LRMDA: variants seen among roughly 807,000 people sequenced by gnomAD.
LRMDA encodes leucine-rich melanocyte differentiation-associated protein.
Under a neutral mutation model 29.8 loss-of-function variants are expected in LRMDA, and 18 were observed. That is an observed-to-expected ratio of 0.60 (90% CI 0.42 to 0.90). The LOEUF (loss-of-function observed/expected upper bound fraction) is 0.90, where lower values mean the gene tolerates loss of function less well. LRMDA is among the 40% of genes least tolerant of loss of function. The pLI is 0.00. For missense variants in LRMDA, 273 were observed against 273.9 expected (o/e 1.00, Z 0.02); for synonymous variants, 125 against 109.4 (o/e 1.14, Z -0.89).
intron 6 of LRMDA, among the ~76,000 whole-genome samples, chr10:76,358,132 C>A (rs1223808656): frequency 2.6e-5 from 4 of 152,152 alleles, no homozygotes; most frequent in African/African-American, 9.7e-5. Context: ...TGGCCTCAAG[C>A]AAGCTAAAAG....
chr10:75,909,150 A>AG (rs1251134191), intron 2 of LRMDA, among the ~76,000 whole-genome samples: 1 of 152,204 alleles, frequency 6.6e-6, no homozygotes, highest in Non-Finnish European at 1.5e-5. Flanking sequence ...TCACATAGTA[A>AG]GGGAGCTATA....
chr10:76,126,070 C>T (rs1849877112), intron 5 of LRMDA, among the ~76,000 whole-genome samples: 1 of 152,132 alleles, frequency 6.6e-6, no homozygotes, highest in Admixed American at 6.5e-5. Context: ...ACATTCAAAC[C>T]ACACACATGC....
intron 2 of LRMDA, among the ~76,000 whole-genome samples, chr10:75,453,315 AC>A (rs1844480299): frequency 6.6e-6 from 1 of 152,212 alleles, no homozygotes; most frequent in Non-Finnish European, 1.5e-5. Flanking sequence ...GGTTTCCTAC[AC>A]TGTCTTTTCT....
At chr10:76,397,653 T>C (rs1051285550) in intron 6 of LRMDA, among the ~76,000 whole-genome samples, 1 of 152,172 alleles carries the variant, frequency 6.6e-6, no homozygotes, top group Admixed American at 6.5e-5. Flanking sequence ...TCACAGTGTG[T>C]CCTTTCTTGG....
chr10:76,473,164 C>T (rs1842634889), intron 6 of LRMDA, among the ~76,000 whole-genome samples: 2 of 151,346 alleles, frequency 1.3e-5, no homozygotes, highest in South Asian at 2.1e-4. Flanking sequence ...CACACAATGA[C>T]CAAGTAGGAT....
At chr10:75,696,714 T>C (rs1281982805) in intron 2 of LRMDA, among the ~76,000 whole-genome samples, 1 of 152,198 alleles carries the variant, frequency 6.6e-6, no homozygotes, top group Admixed American at 6.5e-5. Context: ...CTCAAGTTCA[T>C]AGCATTGGAG....
intron 2 of LRMDA, among the ~76,000 whole-genome samples, chr10:75,610,199 T>G (rs899723593): frequency 7.2e-5 from 11 of 152,184 alleles, no homozygotes; most frequent in Admixed American, 7.2e-4. Context: ...CACAAGGTGG[T>G]GCAACTGTCA....
chr10:76,452,951 A>G (rs1842421035), intron 6 of LRMDA, among the ~76,000 whole-genome samples: 2 of 152,172 alleles, frequency 1.3e-5, no homozygotes, highest in South Asian at 4.1e-4. Flanking sequence ...TTGTGTGAAC[A>G]GGGTCTGGAC....
intron 5 of LRMDA, among the ~76,000 whole-genome samples, chr10:76,298,685 T>G (rs150461283): frequency 6.6e-6 from 1 of 152,210 alleles, no homozygotes; most frequent in African/African-American, 2.4e-5. Flanking sequence ...CAAGGAAGCA[T>G]GTAGTTAAAG....
intron 5 of LRMDA, among the ~76,000 whole-genome samples, chr10:76,239,839 C>T (rs1045687566): frequency 2.0e-5 from 3 of 151,914 alleles, no homozygotes; most frequent in African/African-American, 7.3e-5. Flanking sequence ...TAATTAATAT[C>T]TGATCATGGT....
In LRMDA at chr10:76,252,900, A is replaced by G. The variant is rs557942463; in HGVS notation, c.517-71501A>G. On this transcript the variant is annotated intron_variant, in intron 5 of 6. Transcript: ENST00000611255. ...TTGAGCAATACTCACACAGGTCACC[A>G]GGCAGGAATTCATATTGATATTAGA... Among the ~76,000 whole-genome samples the G allele has an allele frequency of 2.0e-5, 3 of 152,332 alleles. No individual in the cohort carries two copies. The South Asian group carries it at 6.2e-4, about 32-fold the overall frequency.
At chr10:76,181,830 T>C (rs181641520) in intron 5 of LRMDA, among the ~76,000 whole-genome samples, 2 of 152,214 alleles carry the variant, frequency 1.3e-5, no homozygotes, top group Admixed American at 1.3e-4. Context: ...CTCACAGGGG[T>C]GCTTGTTGTC....
chr10:76,360,909 T>G (rs1424774404), intron 6 of LRMDA, among the ~76,000 whole-genome samples: 1 of 152,200 alleles, frequency 6.6e-6, no homozygotes, highest in Admixed American at 6.5e-5. Context: ...GCCTGAATAA[T>G]GTTTTACAAT....
intron 2 of LRMDA, among the ~76,000 whole-genome samples, chr10:75,588,039 T>C (rs1304255436): frequency 6.6e-6 from 1 of 152,234 alleles, no homozygotes; most frequent in Non-Finnish European, 1.5e-5. Context: ...TGCTTATATT[T>C]TCTTGGTGAA....
intron 5 of LRMDA, among the ~76,000 whole-genome samples, chr10:76,101,199 G>A (rs903734569): frequency 1.3e-5 from 2 of 152,078 alleles, no homozygotes; most frequent in African/African-American, 4.8e-5. Flanking sequence ...TGAAGGATAG[G>A]AAATTTAATA....
At chr10:75,661,070 T>C (rs1246564157) in intron 2 of LRMDA, among the ~76,000 whole-genome samples, 1 of 152,182 alleles carries the variant, frequency 6.6e-6, no homozygotes, top group Non-Finnish European at 1.5e-5. Context: ...AGACAGGGAA[T>C]GCCAGAGTGA....
chr10:75,514,438 C>T (rs1845265803), intron 2 of LRMDA, among the ~76,000 whole-genome samples: 1 of 152,002 alleles, frequency 6.6e-6, no homozygotes, highest in Non-Finnish European at 1.5e-5. Context: ...AGTGGTCCTT[C>T]CAGTGTCTGT....
At chr10:75,750,245 C>CGGGCGG (rs1432423043) in intron 2 of LRMDA, among the ~76,000 whole-genome samples, 3 of 148,728 alleles carry the variant, frequency 2.0e-5, no homozygotes, top group Non-Finnish European at 4.5e-5. Flanking sequence ...GGGCGGCTGC[C>CGGGCGG]GGGCGGGGGC....
intron 1 of LRMDA, among the ~76,000 whole-genome samples, chr10:75,437,399 A>C (rs1170917550): frequency 6.6e-6 from 1 of 152,158 alleles, no homozygotes; most frequent in African/African-American, 2.4e-5. Context: ...GGAAACCAGA[A>C]GAAGGTTATA....
Sources: allele counts gnomAD v4.1 joint callset (sites outside exome capture counted in the v4.1 genomes callset), GRCh38; gene constraint gnomAD v4.1.1; transcripts MANE v1.5; gene names NCBI Gene and HGNC (gene_info 2026-07-23, HGNC 2026-07-21).